TRPM3: variants seen among roughly 807,000 people sequenced by gnomAD.
TRPM3 encodes long transient receptor potential channel 3.
A neutral mutation model predicts 181.2 loss-of-function variants in TRPM3; 77 were observed. The observed-to-expected ratio is 0.42, with a 90% CI of 0.35 to 0.51. The LOEUF is 0.51. Among genes scored for constraint, TRPM3 ranks in the 20% least tolerant of loss-of-function variants. The pLI, the probability that TRPM3 is intolerant of heterozygous loss-of-function variation, is 0.01. For missense variants in TRPM3, 1,759 were observed against 2,196.7 expected (o/e 0.80, Z 3.98); for synonymous variants, 745 against 796.4 (o/e 0.94, Z 1.09).
chr9:70,681,452 C>A, intron 9 of TRPM3, 54 bp downstream of exon 9: 1 of 1,424,176 alleles, frequency 7.0e-7, no homozygotes, highest in Non-Finnish European at 9.9e-7. Context: ...CATAAGGTCA[C>A]TGTATTAATT....
In TRPM3 at chr9:70,625,551, G is replaced by A; in HGVS notation, c.1633-34C>T. 1 of 1,594,414 alleles carries A rather than the reference G, an allele frequency of 6.3e-7. No homozygotes were observed. The highest frequency in any genetic ancestry group is 8.5e-7 in the Non-Finnish European group (1 of 1,170,780). On this transcript the variant is annotated intron_variant, in intron 12 of 25. Transcript: ENST00000677713. The surrounding 1 kb of genome is among the most constrained non-coding windows in gnomAD (Gnocchi z 4.8). Reference sequence around the variant, plus strand: ...GAAGACATAAGTTAAATAAGAAGATGCAGTAATCGTCGGCAATAATAGAAA... The same window carrying A: ...GAAGACATAAGTTAAATAAGAAGATACAGTAATCGTCGGCAATAATAGAAA...
chr9:71,143,874 G>C (rs1386958426), intron 1 of TRPM3, among the ~76,000 whole-genome samples: 2 of 151,998 alleles, frequency 1.3e-5, no homozygotes, highest in African/African-American at 4.8e-5. Flanking sequence ...TTTTTAATAA[G>C]AGCCATTCTG....
At chr9:71,260,956 T>C (rs2083010913) in intron 1 of TRPM3, among the ~76,000 whole-genome samples, 1 of 152,198 alleles carries the variant, frequency 6.6e-6, no homozygotes. Flanking sequence ...CATTTCAACC[T>C]TGGTGAATCT....
At chr9:70,864,321 A>G in intron 2 of TRPM3, 111 bp downstream of exon 2, 1 of 700,924 alleles carries the variant, frequency 1.4e-6, no homozygotes, top group Non-Finnish European at 2.3e-6. Context: ...GAAACAATAT[A>G]AAAGATATTT....
At chr9:71,169,932 G>A (rs1213977729) in intron 1 of TRPM3, among the ~76,000 whole-genome samples, 2 of 145,698 alleles carry the variant, frequency 1.4e-5, no homozygotes, top group Non-Finnish European at 3.0e-5. Context: ...AACCCAGAAG[G>A]AAGAGGTTCA....
intron 1 of TRPM3, among the ~76,000 whole-genome samples, chr9:71,348,574 A>ATTTT (rs1448697504): frequency 1.3e-4 from 19 of 147,460 alleles, no homozygotes; most frequent in Admixed American, 1.2e-3. Context: ...TTATTTATTT[A>ATTTT]TTTTTTATTT....
At chr9:70,786,958 T>C (rs1199010486) in intron 6 of TRPM3, among the ~76,000 whole-genome samples, 7 of 152,120 alleles carry the variant, frequency 4.6e-5, no homozygotes, top group African/African-American at 7.2e-5. Context: ...GAGAAGTACT[T>C]AGCATGGACC....
At chr9:70,757,630 T>C (rs1434981758) in intron 8 of TRPM3, among the ~76,000 whole-genome samples, 1 of 152,172 alleles carries the variant, frequency 6.6e-6, no homozygotes, top group Non-Finnish European at 1.5e-5. Context: ...ATCAGAAAGC[T>C]TATCCACCAC....
intron 8 of TRPM3, among the ~76,000 whole-genome samples, chr9:70,694,445 A>C (rs1297809625): frequency 1.3e-5 from 2 of 152,112 alleles, no homozygotes; most frequent in African/African-American, 4.8e-5. Flanking sequence ...AACAACATCC[A>C]TAGGAAGAGA....
chr9:70,793,326 T>C (rs1037727168), intron 6 of TRPM3, among the ~76,000 whole-genome samples: 7 of 151,804 alleles, frequency 4.6e-5, no homozygotes, highest in Non-Finnish European at 1.0e-4. Context: ...GTTTGATGCA[T>C]GTGCCTGTAG....
intron 8 of TRPM3, 31 bp downstream of exon 8, chr9:70,761,570 G>T: frequency 2.5e-6 from 4 of 1,613,892 alleles, no homozygotes; most frequent in Non-Finnish European, 3.4e-6. Context: ...AAAATGTGGA[G>T]ACAGCTGGCC....
At chr9:70,658,744 C>T (rs752531160) in intron 9 of TRPM3, among the ~76,000 whole-genome samples, 2 of 151,958 alleles carry the variant, frequency 1.3e-5, no homozygotes, top group Non-Finnish European at 2.9e-5. Flanking sequence ...AAAACTCTAA[C>T]AGGTGCTTCT....
chr9:70,777,374 C>A (rs1288736262), intron 7 of TRPM3, among the ~76,000 whole-genome samples: 1 of 152,008 alleles, frequency 6.6e-6, no homozygotes, highest in African/African-American at 2.4e-5. Context: ...CTCCGTGGTG[C>A]TTTCTTCCCT....
chr9:71,247,768 C>T (rs2082119582), intron 1 of TRPM3, among the ~76,000 whole-genome samples: 1 of 152,136 alleles, frequency 6.6e-6, no homozygotes, highest in Non-Finnish European at 1.5e-5. Flanking sequence ...CTTTCTGCTG[C>T]TTAGTCATTA....
chr9:70,788,796 T>C lies in TRPM3; in HGVS notation c.974-4517A>G, dbSNP rs577854539. 5.3e-5 allele frequency among the ~76,000 whole-genome samples: 8 copies of C among 152,224 alleles called. No individual in the cohort carries two copies. The East Asian group carries it at 1.5e-3, about 29-fold the overall frequency. The stretch of plus-strand genomic sequence containing the variant: ...CAGATCATCAGGCATTAGGTTCTCA[T>C]AAGGAGCACGCAACCTAGATACCAT... On this transcript the variant is annotated intron_variant, in intron 6 of 25. Coordinates refer to ENST00000677713, the MANE Select transcript of TRPM3 (RefSeq NM_001366145.2).
In TRPM3 at chr9:70,554,790, C is replaced by G. The variant is rs898565801; in HGVS notation, c.3224-1480G>C. Among the ~76,000 whole-genome samples the G allele has an allele frequency of 2.0e-5, 3 of 152,204 alleles. No homozygotes were observed. The South Asian group carries it at 6.2e-4, about 31-fold the overall frequency. On this transcript the variant is annotated intron_variant, in intron 22 of 25. Coordinates refer to ENST00000677713, the MANE Select transcript of TRPM3 (RefSeq NM_001366145.2). Reference sequence around the variant, plus strand: ...TTTTAATAACATTAGGACACCAAGACCTGGTTTTTATGGCTAAGAAAAGAG... The same window carrying G: ...TTTTAATAACATTAGGACACCAAGAGCTGGTTTTTATGGCTAAGAAAAGAG...
chr9:71,359,651 A>G (rs2092059466), intron 1 of TRPM3, among the ~76,000 whole-genome samples: 1 of 151,990 alleles, frequency 6.6e-6, no homozygotes, highest in Admixed American at 6.6e-5. Flanking sequence ...TTTCTTAGTA[A>G]CTTTCTTGGG....
intron 1 of TRPM3, among the ~76,000 whole-genome samples, chr9:71,166,028 G>C (rs139302652): frequency 6.6e-6 from 1 of 152,244 alleles, no homozygotes; most frequent in African/African-American, 2.4e-5. Flanking sequence ...TCCCTTCCAG[G>C]TTCCCATAGC....
chr9:71,138,497 A>G (rs970382658), intron 1 of TRPM3, among the ~76,000 whole-genome samples: 1 of 151,996 alleles, frequency 6.6e-6, no homozygotes, highest in Admixed American at 6.6e-5. Flanking sequence ...TATATATATG[A>G]GTTTCTAATA....
Sources: allele counts gnomAD v4.1 joint callset (sites outside exome capture counted in the v4.1 genomes callset), GRCh38; gene constraint gnomAD v4.1.1; non-coding constraint Gnocchi (gnomAD v3.1); transcripts MANE v1.5; gene names NCBI Gene and HGNC (gene_info 2026-07-23, HGNC 2026-07-21).